CLYBL: variants seen among roughly 807,000 people sequenced by gnomAD.
The protein encoded by CLYBL is citramalyl-CoA lyase.
A neutral mutation model predicts 38.9 loss-of-function variants in CLYBL; 31 were observed. The ratio of observed to expected loss-of-function variants is 0.80; its 90% confidence interval spans 0.60 to 1.08. The LOEUF (loss-of-function observed/expected upper bound fraction) is 1.08, where lower values mean the gene tolerates loss of function less well. CLYBL is among the 50% of genes least tolerant of loss of function. The pLI is 0.00. For missense variants in CLYBL, 434 were observed against 411.6 expected (o/e 1.05, Z -0.47); for synonymous variants, 171 against 158.6 (o/e 1.08, Z -0.59).
intron 2 of CLYBL, among the ~76,000 whole-genome samples, chr13:99,833,375 C>G (rs1247784134): frequency 6.6e-6 from 1 of 151,702 alleles, no homozygotes; most frequent in Non-Finnish European, 1.5e-5. Flanking sequence ...AATTCTTATT[C>G]TTAAAGGAAA....
chr13:99,856,247 CA>C (rs1427976068), intron 2 of CLYBL, among the ~76,000 whole-genome samples: 5 of 152,118 alleles, frequency 3.3e-5, no homozygotes, highest in Non-Finnish European at 5.9e-5. Flanking sequence ...CAAGTGAAAC[CA>C]AACAGCTTCA....
At chr13:99,771,090 G>C (rs888218215) in intron 1 of CLYBL, among the ~76,000 whole-genome samples, 1 of 144,092 alleles carries the variant, frequency 6.9e-6, no homozygotes, top group East Asian at 2.1e-4. Context: ...CTGGAGTGCA[G>C]CTTTGCGATC....
At chr13:99,673,376 G>A (rs2047595744) in intron 1 of CLYBL, among the ~76,000 whole-genome samples, 1 of 150,320 alleles carries the variant, frequency 6.7e-6, no homozygotes, top group Non-Finnish European at 1.5e-5. Flanking sequence ...TAGCACCACT[G>A]CACTCTAGCC....
At chr13:99,834,604 G>C (rs1420100457) in intron 2 of CLYBL, among the ~76,000 whole-genome samples, 1 of 151,952 alleles carries the variant, frequency 6.6e-6, no homozygotes, top group Non-Finnish European at 1.5e-5. Flanking sequence ...ATGTAGCTCT[G>C]CCTCCTCCTT....
At chr13:99,854,054 C>T (rs1195486000) in intron 2 of CLYBL, among the ~76,000 whole-genome samples, 1 of 152,138 alleles carries the variant, frequency 6.6e-6, no homozygotes, top group African/African-American at 2.4e-5. Context: ...TTGCCTTTTG[C>T]AGGATGAAAA....
At chr13:99,831,752 G>A (rs1339234383) in intron 2 of CLYBL, among the ~76,000 whole-genome samples, 3 of 143,908 alleles carry the variant, frequency 2.1e-5, no homozygotes, top group Non-Finnish European at 4.5e-5. Flanking sequence ...GGAAACACAC[G>A]CTACCAGAAA....
chr13:99,803,069 C>G (rs1311066516), intron 2 of CLYBL, among the ~76,000 whole-genome samples: 1 of 152,134 alleles, frequency 6.6e-6, no homozygotes, highest in African/African-American at 2.4e-5. Context: ...TGTAACCAAG[C>G]AAATCGGTAA....
intron 1 of CLYBL, among the ~76,000 whole-genome samples, chr13:99,748,508 C>T (rs187535791): frequency 0.011 from 1,363 of 126,160 alleles, 22 homozygotes; most frequent in African/African-American, 0.038. Context: ...GGCACGATCT[C>T]GGCTCACTGC....
chr13:99,618,509 A>T (rs1197776149), intron 1 of CLYBL, among the ~76,000 whole-genome samples: 1 of 152,160 alleles, frequency 6.6e-6, no homozygotes, highest in Non-Finnish European at 1.5e-5. Context: ...ACCTCAGGTG[A>T]TCTACCCGCC....
At chr13:99,805,800 C>A (rs541274071) in intron 2 of CLYBL, among the ~76,000 whole-genome samples, 24 of 152,070 alleles carry the variant, frequency 1.6e-4, no homozygotes, top group Non-Finnish European at 2.6e-4. Flanking sequence ...CTGAATCCAC[C>A]AAGCTCACAC....
In CLYBL at chr13:99,638,483, A is replaced by G. The variant is rs148989216; in HGVS notation, c.62+31726A>G. 1.3e-3 allele frequency among the ~76,000 whole-genome samples: 197 copies of G among 152,320 alleles called. 1 individual carries two copies. The highest frequency in any genetic ancestry group is 3.4e-3 in the Middle Eastern group (1 of 294). ...TCATCTGAACAAATATTTATTAACT[A>G]CCTATTGTGTTTCAGACTCTGTGCT... On this transcript the variant is annotated intron_variant, in intron 1 of 8. Coordinates refer to ENST00000339105, the MANE Select transcript of CLYBL (RefSeq NM_206808.5).
intron 1 of CLYBL, among the ~76,000 whole-genome samples, chr13:99,744,129 C>T (rs1306509074): frequency 2.6e-5 from 4 of 151,938 alleles, no homozygotes; most frequent in Admixed American, 2.0e-4. Context: ...CCCGCCACCA[C>T]GCCCGGTTAA....
chr13:99,662,946 T>C (rs1480441194), intron 1 of CLYBL, among the ~76,000 whole-genome samples: 2 of 152,156 alleles, frequency 1.3e-5, no homozygotes, highest in Non-Finnish European at 2.9e-5. Context: ...TCACTGCTGG[T>C]CCAAAGAACA....
At chr13:99,846,710 A>G (rs1447120296) in intron 2 of CLYBL, among the ~76,000 whole-genome samples, 3 of 152,190 alleles carry the variant, frequency 2.0e-5, no homozygotes, top group Non-Finnish European at 4.4e-5. Context: ...TTGCAAGGCT[A>G]TGTGTGTCTT....
chr13:99,652,887 T>C (rs918778581), intron 1 of CLYBL, among the ~76,000 whole-genome samples: 3 of 152,220 alleles, frequency 2.0e-5, no homozygotes, highest in Non-Finnish European at 2.9e-5. Flanking sequence ...GGAAGGGCTG[T>C]GCTGGCCACC....
chr13:99,741,766 C>T (rs912402887), intron 1 of CLYBL, among the ~76,000 whole-genome samples: 6 of 152,168 alleles, frequency 3.9e-5, no homozygotes, highest in Admixed American at 2.6e-4. Flanking sequence ...CATGAGCCAC[C>T]GTGCCCAGCC....
intron 1 of CLYBL, among the ~76,000 whole-genome samples, chr13:99,618,790 A>G (rs2763942): frequency 6.6e-6 from 1 of 151,966 alleles, no homozygotes; most frequent in African/African-American, 2.4e-5. Flanking sequence ...GGTACTTCAC[A>G]TACATAGACT....
chr13:99,624,889 G>A (rs2763948), intron 1 of CLYBL, among the ~76,000 whole-genome samples: 1 of 151,986 alleles, frequency 6.6e-6, no homozygotes, highest in Non-Finnish European at 1.5e-5. Flanking sequence ...ATCTTAGCGG[G>A]ATCCAAAATA....
intron 1 of CLYBL, among the ~76,000 whole-genome samples, chr13:99,647,120 G>A (rs557223754): frequency 6.6e-6 from 1 of 152,172 alleles, no homozygotes; most frequent in Non-Finnish European, 1.5e-5. Context: ...CACACCTAAG[G>A]GGGGCTGGGT....
Sources: allele counts gnomAD v4.1 joint callset (sites outside exome capture counted in the v4.1 genomes callset), GRCh38; gene constraint gnomAD v4.1.1; transcripts MANE v1.5; gene names NCBI Gene and HGNC (gene_info 2026-07-23, HGNC 2026-07-21).